The following PRKCE variants were observed in gnomAD, a reference collection of about 807,000 sequenced individuals.
PRKCE encodes the protein protein kinase C epsilon.
PRKCE carries 16 observed loss-of-function variants against 85.4 expected under a neutral mutation model. That is an observed-to-expected ratio of 0.19 (90% CI 0.13 to 0.28). The LOEUF is 0.28. Ranked by LOEUF, PRKCE falls within the 10% of genes least tolerant of loss-of-function variation. The probability of loss-of-function intolerance (pLI) is 1.00; values close to 1 mark genes in which losing one functional copy is unlikely to be tolerated. For missense variants in PRKCE, 573 were observed against 975.2 expected (o/e 0.59, Z 5.49); for synonymous variants, 388 against 371.5 (o/e 1.04, Z -0.51).
At chr2:46,168,799 GGAGCCAGCGTTTCTGTGGGTCCTGA>G in intron 14 of PRKCE, among the ~76,000 whole-genome samples, 1 of 152,276 alleles carries the variant, frequency 6.6e-6, no homozygotes, top group South Asian at 2.1e-4. Context: ...GGGGAGGCTG[GGAGCCAGCGTTTCTGTGGGTCCTGA>G]GAGCCTATGT....
intron 1 of PRKCE, among the ~76,000 whole-genome samples, chr2:45,712,214 C>T (rs1679716850): frequency 8.2e-6 from 1 of 121,536 alleles, no homozygotes; most frequent in Non-Finnish European, 1.6e-5. Flanking sequence ...GTGGTGCAAT[C>T]TCGGCTTACT....
chr2:45,869,704 C>CTTTTTTT (rs1246509613), intron 2 of PRKCE, among the ~76,000 whole-genome samples: 4 of 116,860 alleles, frequency 3.4e-5, no homozygotes, highest in South Asian at 3.1e-4. Context: ...GTTTCTCTCT[C>CTTTTTTT]TCTTTTTTTT....
chr2:46,016,000 T>C (rs1344603986), intron 10 of PRKCE, among the ~76,000 whole-genome samples: 1 of 152,196 alleles, frequency 6.6e-6, no homozygotes, highest in Non-Finnish European at 1.5e-5. Context: ...CAAGCAGAGA[T>C]AGCCTCAGTA....
intron 1 of PRKCE, among the ~76,000 whole-genome samples, chr2:45,823,306 T>C (rs958886072): frequency 6.6e-6 from 1 of 152,246 alleles, no homozygotes; most frequent in Non-Finnish European, 1.5e-5. Context: ...AGCAGTAACG[T>C]TGAGCCTCTG....
intron 2 of PRKCE, among the ~76,000 whole-genome samples, chr2:45,962,186 C>G (rs989963508): frequency 6.6e-6 from 1 of 152,156 alleles, no homozygotes; most frequent in African/African-American, 2.4e-5. Context: ...TTCCTGAGGT[C>G]AGCAAGGTGT....
At chr2:46,130,054 C>A (rs893730502) in intron 11 of PRKCE, among the ~76,000 whole-genome samples, 2 of 152,032 alleles carry the variant, frequency 1.3e-5, no homozygotes, top group Admixed American at 6.6e-5. Flanking sequence ...ATGAAAATAG[C>A]GAGTTTTTTT....
At chr2:45,950,305 A>G (rs926042238) in intron 2 of PRKCE, among the ~76,000 whole-genome samples, 3 of 152,228 alleles carry the variant, frequency 2.0e-5, no homozygotes, top group Non-Finnish European at 4.4e-5. Context: ...AGGAGTAAAA[A>G]CAGATCACTG....
intron 1 of PRKCE, among the ~76,000 whole-genome samples, chr2:45,729,577 C>T (rs1681389328): frequency 6.6e-6 from 1 of 152,120 alleles, no homozygotes; most frequent in African/African-American, 2.4e-5. Context: ...GATCACTGAC[C>T]CTTGGCTTCT....
intron 1 of PRKCE, among the ~76,000 whole-genome samples, chr2:45,785,818 A>G (rs1686558548): frequency 6.6e-6 from 1 of 152,174 alleles, no homozygotes; most frequent in Non-Finnish European, 1.5e-5. Flanking sequence ...AGGAAGCACA[A>G]CAGATGGGAG....
intron 1 of PRKCE, among the ~76,000 whole-genome samples, chr2:45,717,020 A>C (rs1276532284): frequency 6.9e-6 from 1 of 144,058 alleles, no homozygotes; most frequent in Non-Finnish European, 1.5e-5. Flanking sequence ...TTCCCACCAC[A>C]TGTGGGGATT....
chr2:45,851,012 G>A (rs1386036570), intron 2 of PRKCE, among the ~76,000 whole-genome samples: 1 of 152,196 alleles, frequency 6.6e-6, no homozygotes, highest in Non-Finnish European at 1.5e-5. Context: ...TTTAGCTGTT[G>A]GGTAGCTACT....
chr2:45,709,851 C>G (rs993260351), intron 1 of PRKCE, among the ~76,000 whole-genome samples: 4 of 152,080 alleles, frequency 2.6e-5, no homozygotes, highest in Admixed American at 1.3e-4. Flanking sequence ...ACTCTGTCAC[C>G]CAGGCTGGAG....
intron 11 of PRKCE, among the ~76,000 whole-genome samples, chr2:46,098,328 C>CG (rs1558452400): frequency 9.2e-5 from 14 of 152,026 alleles, no homozygotes; most frequent in African/African-American, 3.4e-4. Flanking sequence ...ACTCCCCCCC[C>CG]AACCCACACA....
chr2:45,662,236 A>G (rs1225895989), intron 1 of PRKCE, among the ~76,000 whole-genome samples: 1 of 152,210 alleles, frequency 6.6e-6, no homozygotes, highest in Non-Finnish European at 1.5e-5. Flanking sequence ...TATTTATTGA[A>G]TATGCCAGGT....
Position 45,981,342 on chromosome 2 carries a change from T to C in PRKCE, c.693+961T>C, listed in dbSNP as rs141686652. On this transcript the variant is annotated intron_variant, in intron 5 of 14. Coordinates refer to ENST00000306156, the MANE Select transcript of PRKCE (RefSeq NM_005400.3). ...AATCGCGGGTTAGAGAGAAAGGCCTTGGGTAGGTTTATAATCAGCTGGTCT... is the reference window on the plus strand; with the variant it reads ...AATCGCGGGTTAGAGAGAAAGGCCTCGGGTAGGTTTATAATCAGCTGGTCT... Among the ~76,000 whole-genome samples the C allele has an allele frequency of 1.0e-3, 159 of 152,278 alleles. 2 individuals carry two copies. The highest frequency in any genetic ancestry group is 3.7e-3 in the African/African-American group (154 of 41,552).
chr2:46,072,330 C>T (rs1458688192), intron 10 of PRKCE, among the ~76,000 whole-genome samples: 1 of 145,322 alleles, frequency 6.9e-6, no homozygotes, highest in Non-Finnish European at 1.6e-5. Flanking sequence ...TTCCAGTTTC[C>T]CCCGGATTAG....
At chr2:45,995,107 A>G (rs916222946) in intron 6 of PRKCE, among the ~76,000 whole-genome samples, 12 of 152,272 alleles carry the variant, frequency 7.9e-5, no homozygotes, top group African/African-American at 2.9e-4. Flanking sequence ...GTGTATGCTC[A>G]AGTCTTTTGC....
At chr2:45,867,608 G>T (rs956140239) in intron 2 of PRKCE, among the ~76,000 whole-genome samples, 2 of 151,996 alleles carry the variant, frequency 1.3e-5, no homozygotes, top group Admixed American at 6.5e-5. Context: ...TTTAAAATTC[G>T]GTGGAGGAAT....
intron 2 of PRKCE, among the ~76,000 whole-genome samples, chr2:45,913,491 G>C (rs1268124377): frequency 6.6e-6 from 1 of 152,188 alleles, no homozygotes; most frequent in Non-Finnish European, 1.5e-5. Context: ...CCTGCTCAGT[G>C]GAGCTCTGGG....
Sources: allele counts gnomAD v4.1 joint callset (sites outside exome capture counted in the v4.1 genomes callset), GRCh38; gene constraint gnomAD v4.1.1; transcripts MANE v1.5; gene names NCBI Gene and HGNC (gene_info 2026-07-23, HGNC 2026-07-21).